Variants in MAN1A2 observed in about 807,000 individuals in gnomAD.
MAN1A2 encodes the protein mannosyl-oligosaccharide 1,2-alpha-mannosidase IB.
A neutral mutation model predicts 75.7 loss-of-function variants in MAN1A2; 26 were observed. The ratio of observed to expected loss-of-function variants is 0.34; its 90% CI spans 0.25 to 0.48. The LOEUF (loss-of-function observed/expected upper bound fraction) is 0.48, where lower values mean the gene tolerates loss of function less well. Among genes scored for constraint, MAN1A2 ranks in the 20% least tolerant of loss-of-function variants. MAN1A2 has a pLI of 0.99. For missense variants in MAN1A2, 562 were observed against 775.5 expected, an observed-to-expected ratio of 0.72 and a Z score of 3.27; for synonymous variants, 247 against 264.6, an observed-to-expected ratio of 0.93 and a Z score of 0.65.
chr1:117,413,150 T>C (rs1183432247), intron 3 of MAN1A2, among the ~76,000 whole-genome samples: 2 of 151,910 alleles, frequency 1.3e-5, no homozygotes, highest in African/African-American at 2.4e-5. Context: ...CTGAGGAACG[T>C]AACAACACAT....
intron 1 of MAN1A2, among the ~76,000 whole-genome samples, chr1:117,375,328 A>G (rs1294331547): frequency 1.3e-5 from 2 of 152,154 alleles, no homozygotes; most frequent in East Asian, 3.8e-4. Context: ...GAAGGACTAT[A>G]ATTTCCTAAC....
chr1:117,442,071 T>C (rs1649051493), intron 5 of MAN1A2, among the ~76,000 whole-genome samples, 160 bp from the exon 6 acceptor site: 1 of 152,180 alleles, frequency 6.6e-6, no homozygotes, highest in Admixed American at 6.5e-5. Flanking sequence ...AAACATGCTC[T>C]CTGATTGCCA....
intron 12 of MAN1A2, among the ~76,000 whole-genome samples, chr1:117,508,287 G>A (rs1370894461): frequency 1.3e-5 from 2 of 151,248 alleles, no homozygotes; most frequent in African/African-American, 4.8e-5. Flanking sequence ...CAGGCATTAG[G>A]CAGCTCAGAA....
chr1:117,420,322 T>C (rs1648144338), intron 4 of MAN1A2, among the ~76,000 whole-genome samples: 1 of 152,010 alleles, frequency 6.6e-6, no homozygotes, highest in Non-Finnish European at 1.5e-5. Flanking sequence ...TTCACAGTAC[T>C]GTGTAAGGTA....
Position 117,398,580 on chromosome 1 carries a change from A to T in MAN1A2, c.303-3606A>T, listed in dbSNP as rs150163633. On this transcript the variant is annotated intron_variant, in intron 1 of 12. Coordinates refer to ENST00000356554, the MANE Select transcript of MAN1A2 (RefSeq NM_006699.5). ...TCCCAGCTTGTTGGGAGGCTGAAGC[A>T]GGAGACTCTGTTGAATCTGGGAGGC... Among the ~76,000 whole-genome samples, 984 of 152,080 alleles carry T rather than the reference A, an allele frequency of 6.5e-3. 7 individuals carry two copies. The highest frequency in any genetic ancestry group is 9.7e-3 in the Non-Finnish European group (660 of 67,960).
chr1:117,482,846 T>G (rs1650543373), intron 8 of MAN1A2, among the ~76,000 whole-genome samples: 1 of 152,140 alleles, frequency 6.6e-6, no homozygotes, highest in African/African-American at 2.4e-5. Flanking sequence ...CTGCCTAGGT[T>G]TTCTTCTAGG....
intron 8 of MAN1A2, among the ~76,000 whole-genome samples, chr1:117,483,036 G>A (rs2101861972): frequency 6.6e-6 from 1 of 152,188 alleles, no homozygotes; most frequent in South Asian, 2.1e-4. Context: ...GTTTGTCAAA[G>A]GTCAGATGGT....
chr1:117,504,924 G>A (rs1005549340), intron 12 of MAN1A2, among the ~76,000 whole-genome samples: 2 of 151,552 alleles, frequency 1.3e-5, no homozygotes. Flanking sequence ...CCCTTAAAGA[G>A]ACACATAATA....
At chr1:117,500,708 GCTGCTTTTCCTTGGCCCCTT>G (rs1651174425) in intron 11 of MAN1A2, among the ~76,000 whole-genome samples, 2 of 151,844 alleles carry the variant, frequency 1.3e-5, no homozygotes, top group African/African-American at 4.8e-5. Flanking sequence ...ATTTATTGAT[GCTGCTTTTCCTTGGCCCCTT>G]GGCTCCAGAA....
chr1:117,476,595 C>T (rs1650322350), intron 8 of MAN1A2, among the ~76,000 whole-genome samples: 1 of 152,052 alleles, frequency 6.6e-6, no homozygotes, highest in South Asian at 2.1e-4. Context: ...GTTTTCCCAA[C>T]ACCATTTATT....
At chr1:117,427,158 ATT>A (rs35505705) in intron 5 of MAN1A2, among the ~76,000 whole-genome samples, 15 of 149,992 alleles carry the variant, frequency 1.0e-4, no homozygotes, top group African/African-American at 3.4e-4. Flanking sequence ...AAAATGATCC[ATT>A]TTTTTTTTTC....
At chr1:117,478,843 TA>T (rs1390741154) in intron 8 of MAN1A2, among the ~76,000 whole-genome samples, 2 of 151,886 alleles carry the variant, frequency 1.3e-5, no homozygotes, top group Non-Finnish European at 2.9e-5. Context: ...CAAATAGTGT[TA>T]GCCTTCCAAA....
chr1:117,431,456 C>A (rs1010311143), intron 5 of MAN1A2, among the ~76,000 whole-genome samples: 1 of 151,878 alleles, frequency 6.6e-6, no homozygotes, highest in African/African-American at 2.4e-5. Flanking sequence ...ATAGAATAAG[C>A]AGACAGAAAA....
At chr1:117,505,734 T>C (rs957611968) in intron 12 of MAN1A2, among the ~76,000 whole-genome samples, 5 of 150,918 alleles carry the variant, frequency 3.3e-5, no homozygotes, top group Admixed American at 1.3e-4. Context: ...TTTTTGGGAG[T>C]TGAGGGAGCA....
chr1:117,521,789 A>G (rs1432713145), intron 12 of MAN1A2, among the ~76,000 whole-genome samples: 1 of 152,022 alleles, frequency 6.6e-6, no homozygotes, highest in Admixed American at 6.6e-5. Flanking sequence ...CCAAATGCCC[A>G]TTAATCAATG....
chr1:117,477,299 C>A (rs1226168420), intron 8 of MAN1A2, among the ~76,000 whole-genome samples: 2 of 151,940 alleles, frequency 1.3e-5, no homozygotes, highest in Non-Finnish European at 2.9e-5. Flanking sequence ...ACATCAAGAT[C>A]ACCCTGTTAC....
chr1:117,509,965 T>A (rs1427769293), intron 12 of MAN1A2, among the ~76,000 whole-genome samples: 1 of 151,728 alleles, frequency 6.6e-6, no homozygotes, highest in Non-Finnish European at 1.5e-5. Context: ...TCCTTTAGCC[T>A]TTTTTCTCCA....
chr1:117,439,143 C>T (rs967898427), intron 5 of MAN1A2, among the ~76,000 whole-genome samples: 6 of 151,920 alleles, frequency 3.9e-5, no homozygotes, highest in African/African-American at 9.7e-5. Context: ...ACAAAAGAGG[C>T]GAGTGGAGCT....
Position 117,420,553 on chromosome 1 carries a change from AAT to A in MAN1A2, c.775-13_775-12del. On this transcript the variant is annotated splice_polypyrimidine_tract_variant and intron_variant, in intron 4 of 12. Coordinates refer to ENST00000356554, the MANE Select transcript of MAN1A2 (RefSeq NM_006699.5). Reference sequence around the variant, plus strand: ...GCATTACGTATTTGTGAATGTTTTCAATATGTTTTTCACAGAATTCAGAGGTG... The same window carrying A: ...GCATTACGTATTTGTGAATGTTTTCAATGTTTTTCACAGAATTCAGAGGTG... The A allele has an allele frequency of 1.3e-6, 2 of 1,576,408 alleles. No individual in the cohort carries two copies. The highest frequency in any genetic ancestry group is 1.7e-6 in the Non-Finnish European group (2 of 1,146,420).
Sources: gnomAD v4.1 joint callset for allele counts (sites outside exome capture counted in the v4.1 genomes callset) on GRCh38, gnomAD v4.1.1 for gene constraint, MANE v1.5 for transcripts, NCBI Gene and HGNC (gene_info 2026-07-23, HGNC 2026-07-21) for gene names.